Variants in CHD9 observed in about 807,000 individuals in gnomAD.
CHD9 encodes chromodomain helicase DNA binding protein 9.
Under a neutral mutation model 316.1 loss-of-function variants are expected in CHD9, and 77 were observed. That is an observed-to-expected ratio of 0.24 (90% CI 0.20 to 0.29). CHD9 has a LOEUF of 0.29. Ranked by LOEUF, CHD9 falls within the 10% of genes least tolerant of loss-of-function variation. CHD9 has a pLI of 1.00. For missense variants in CHD9, 2,763 were observed against 3,438.1 expected (o/e 0.80, Z 4.91); for synonymous variants, 1,129 against 1,158.3 (o/e 0.97, Z 0.51).
rs1469996222 is a variant in CHD9, at chr16:53,155,936, CT to C, written c.-152del. 20 of 691,692 alleles carry C rather than the reference CT, an allele frequency of 2.9e-5. No individual in the cohort carries two copies. The highest frequency in any genetic ancestry group is 4.7e-5 in the Non-Finnish European group (20 of 423,660). 42.8% of individuals were successfully genotyped at this position (691,692 alleles called of 1,614,324 possible). On this transcript the variant is annotated 5_prime_UTR_variant, in exon 2 of 39. Transcript: ENST00000447540. ...TTCCTTTTTTTCTAGGATTTTGACACTTCATGACATGTCATTATTTAGAGCA... is the reference window on the plus strand; with the variant it reads ...TTCCTTTTTTTCTAGGATTTTGACACTCATGACATGTCATTATTTAGAGCA...
At position 53,146,415 on chromosome 16, in the gene CHD9, G is replaced by GTGTATATATATATATA. The variant is rs1224485632; in HGVS notation, c.-164-9510_-164-9509insGTATATATATATATAT. The stretch of plus-strand genomic sequence containing the variant: ...CAAAAAAAAAAAATTGTGTGTGTGT[G>GTGTATATATATATATA]TATGTATATATATATATATATAATT... On this transcript the variant is annotated intron_variant, in intron 1 of 38. Transcript: ENST00000447540. 1.1e-3 allele frequency among the ~76,000 whole-genome samples: 74 copies of GTGTATATATATATATA among 64,444 alleles called. 1 individual carries two copies. Among genetic ancestry groups the GTGTATATATATATATA allele is most frequent in the Non-Finnish European group, 1.7e-3 (57 of 34,172 alleles). The allele number at this position is 64,444 out of a possible 152,430, so 42.3% of individuals were successfully genotyped here. A position where few individuals can be genotyped will look rare whatever the true frequency, so the allele number is the denominator to read the frequency against.
At chr16:53,111,203 G>A (rs1039605814) in intron 1 of CHD9, among the ~76,000 whole-genome samples, 1 of 152,104 alleles carries the variant, frequency 6.6e-6, no homozygotes, top group African/African-American at 2.4e-5. Context: ...TGCAGAATGA[G>A]GGGGCTGGAC....
At chr16:53,068,992 CTTTTA>C (rs375220700) in intron 1 of CHD9, among the ~76,000 whole-genome samples, 15 of 151,830 alleles carry the variant, frequency 9.9e-5, no homozygotes, top group South Asian at 2.1e-4. Context: ...GCATTTTCTT[CTTTTA>C]TTTTATTTTA....
At chr16:53,176,279 T>G (rs1186625383) in intron 2 of CHD9, among the ~76,000 whole-genome samples, 1 of 152,200 alleles carries the variant, frequency 6.6e-6, no homozygotes, top group Non-Finnish European at 1.5e-5. Flanking sequence ...GCTGGTCAAG[T>G]CTTTCTCACG....
rs368805239 is a variant in CHD9, at chr16:53,247,280, A to G, written c.3455-13A>G. 31 of 1,565,706 alleles carry G rather than the reference A, an allele frequency of 2.0e-5. No individual in the cohort carries two copies. The highest frequency in any genetic ancestry group is 2.7e-5 in the African/African-American group (2 of 74,070). Reference sequence around the variant, plus strand: ...TTGCACATTGCTGTTATCTTCTCCTATTTCTTTGACAGGTGCTGAGGAGAA... The same window carrying G: ...TTGCACATTGCTGTTATCTTCTCCTGTTTCTTTGACAGGTGCTGAGGAGAA... On this transcript the variant is annotated splice_polypyrimidine_tract_variant and intron_variant, in intron 15 of 38. Transcript: ENST00000447540.
chr16:53,264,068 T>C (rs1017955579), intron 20 of CHD9, among the ~76,000 whole-genome samples: 2 of 151,992 alleles, frequency 1.3e-5, no homozygotes, highest in Non-Finnish European at 2.9e-5. Context: ...CTTAAGAATA[T>C]ACCTAAAGAA....
At position 53,231,684 on chromosome 16, in the gene CHD9, C is replaced by T; in HGVS notation, c.2411C>T (p.Pro804Leu). 1 of 1,605,308 alleles carries T rather than the reference C, an allele frequency of 6.2e-7. No individual in the cohort carries two copies. The highest frequency in any genetic ancestry group is 8.5e-7 in the Non-Finnish European group (1 of 1,175,138). Reference sequence around the variant, plus strand: ...TACTTAGTAAAATGGTGCTCATTGCCATATGAAGATAGTACTTGGGAACTA... The same window carrying T: ...TACTTAGTAAAATGGTGCTCATTGCTATATGAAGATAGTACTTGGGAACTA... ...IYYLVKWCSLPYEDSTWELKE... is the reference protein window; with the variant it reads ...IYYLVKWCSLLYEDSTWELKE... Residue 804 changes from proline (P) to leucine (L), a missense_variant, in exon 10 of 39, where the codon CCA becomes CTA. Physicochemically the swap from Pro to Leu is moderately conservative, Grantham distance 98. This residue lies in a region of CHD9 where 186 missense variants were observed against 245.0 expected (regional missense o/e 0.76). Transcript: ENST00000447540.
rs1426135738 is a variant in CHD9, at chr16:53,268,172, ATAAG to A, written c.4717+50_4717+53del. 4.7e-6 allele frequency: 6 copies of A among 1,287,846 alleles called. No homozygotes were observed. In the African/African-American group the frequency reaches 5.9e-5, roughly 13 times the overall value. 79.8% of individuals were successfully genotyped at this position (1,287,846 alleles called of 1,614,324 possible). On this transcript the variant is annotated intron_variant, in intron 22 of 38. Transcript: ENST00000447540. ...GCTTTTAAAATTTATTTTTAGTTAT[ATAAG>A]TAATACTTAACATATTCTCCTATAA...
At chr16:53,274,135 C>T in intron 23 of CHD9, 78 bp from the exon 24 acceptor site, 1 of 855,990 alleles carries the variant, frequency 1.2e-6, no homozygotes, top group Non-Finnish European at 1.9e-6. Context: ...CAAATTCCTT[C>T]CTAATTTTAA....
intron 2 of CHD9, among the ~76,000 whole-genome samples, chr16:53,179,194 A>G (rs2043303076): frequency 6.6e-6 from 1 of 152,188 alleles, no homozygotes; most frequent in Non-Finnish European, 1.5e-5. Context: ...TAACTATTTT[A>G]TTAGACATCT....
intron 1 of CHD9, among the ~76,000 whole-genome samples, chr16:53,148,462 A>G (rs2040822321): frequency 6.6e-6 from 1 of 152,114 alleles, no homozygotes; most frequent in Non-Finnish European, 1.5e-5. Flanking sequence ...ACCATTTTAC[A>G]TTCCTATGAG....
chr16:53,093,123 T>A (rs551441222), intron 1 of CHD9, among the ~76,000 whole-genome samples: 63 of 152,308 alleles, frequency 4.1e-4, no homozygotes, highest in African/African-American at 1.5e-3. Flanking sequence ...GAGAAAGATA[T>A]CAAAATTCAG....
chr16:53,056,494 G>A (rs1480135515), intron 1 of CHD9, among the ~76,000 whole-genome samples: 1 of 152,226 alleles, frequency 6.6e-6, no homozygotes, highest in African/African-American at 2.4e-5. Flanking sequence ...GAGGCTCAGA[G>A]AGGCCAATGA....
intron 2 of CHD9, among the ~76,000 whole-genome samples, chr16:53,199,629 C>T (rs939233712): frequency 1.3e-5 from 2 of 152,098 alleles, no homozygotes; most frequent in Admixed American, 1.3e-4. Flanking sequence ...TTTAGAGTCT[C>T]CAGTGTCTGT....
chr16:53,118,542 C>G (rs2038493809), intron 1 of CHD9, among the ~76,000 whole-genome samples: 1 of 152,162 alleles, frequency 6.6e-6, no homozygotes, highest in Non-Finnish European at 1.5e-5. Context: ...GCAAAATGTT[C>G]TCTAAGATCC....
At chr16:53,228,420 G>C (rs2047845602) in intron 7 of CHD9, among the ~76,000 whole-genome samples, 1 of 150,852 alleles carries the variant, frequency 6.6e-6, no homozygotes, top group African/African-American at 2.4e-5. Context: ...TGACCTTAAA[G>C]TTTTTAATTT....
intron 31 of CHD9, 66 bp downstream of exon 31, chr16:53,304,691 T>TTA: frequency 4.3e-6 from 4 of 922,180 alleles, no homozygotes; most frequent in Non-Finnish European, 5.7e-6. Flanking sequence ...TTCTTTTCTT[T>TTA]TCTTTTTTTT....
intron 30 of CHD9, among the ~76,000 whole-genome samples, chr16:53,302,422 C>T (rs1597913052): frequency 6.6e-6 from 1 of 152,142 alleles, no homozygotes; most frequent in South Asian, 2.1e-4. Flanking sequence ...GATGTGTTCT[C>T]AGAATGTAAT....
chr16:53,322,406 G>A (rs947236852), intron 38 of CHD9, among the ~76,000 whole-genome samples: 4 of 151,126 alleles, frequency 2.6e-5, no homozygotes, highest in African/African-American at 4.9e-5. Context: ...TCAGGAGTTC[G>A]AGACCAGCCG....
Sources: allele counts gnomAD v4.1 joint callset (sites outside exome capture counted in the v4.1 genomes callset), GRCh38; gene constraint gnomAD v4.1.1; regional missense constraint gnomAD v4.1.1; transcripts MANE v1.5; gene names NCBI Gene and HGNC (gene_info 2026-07-23, HGNC 2026-07-21).